NRCAM: variants seen among roughly 807,000 people sequenced by gnomAD.
NRCAM encodes NgCAM-related cell adhesion molecule.
In NRCAM, 83 loss-of-function variants were observed where a neutral mutation model predicts 156.5. The observed-to-expected ratio is 0.53, with a 90% confidence interval of 0.44 to 0.64. NRCAM has a LOEUF of 0.64. Among genes scored for constraint, NRCAM ranks in the 30% least tolerant of loss-of-function variants. NRCAM has a pLI of 0.00. For missense variants in NRCAM, 1,417 were observed against 1,597.3 expected (o/e 0.89, Z 1.92); for synonymous variants, 538 against 563.9 (o/e 0.95, Z 0.65).
At chr7:108,389,856 G>A (rs185149542) in intron 2 of NRCAM, among the ~76,000 whole-genome samples, 13 of 152,224 alleles carry the variant, frequency 8.5e-5, no homozygotes, top group East Asian at 1.9e-4. Flanking sequence ...GCTGGATTAC[G>A]TTTATTGATT....
At chr7:108,226,514 TA>T in intron 8 of NRCAM, 136 bp from the exon 9 acceptor site, 3 of 445,134 alleles carry the variant, frequency 6.7e-6, no homozygotes, top group Non-Finnish European at 1.1e-5. Context: ...GCTCTTTGGG[TA>T]AAAGCAAATA....
intron 25 of NRCAM, 164 bp from the exon 26 acceptor site, chr7:108,178,276 T>C: frequency 1.7e-6 from 1 of 604,584 alleles, no homozygotes; most frequent in Non-Finnish European, 2.9e-6. Context: ...GGCACCCATT[T>C]AGTTATTCTC....
chr7:108,221,749 C>T (rs911662626), intron 11 of NRCAM, among the ~76,000 whole-genome samples: 2 of 151,998 alleles, frequency 1.3e-5, no homozygotes, highest in East Asian at 1.9e-4. Flanking sequence ...TAGAGTACAG[C>T]GTATATTGTT....
At chr7:108,165,493 T>C (rs2053447733) in intron 30 of NRCAM, among the ~76,000 whole-genome samples, 1 of 152,212 alleles carries the variant, frequency 6.6e-6, no homozygotes, top group Admixed American at 6.5e-5. Context: ...GAAGATAATA[T>C]CTACTTGACT....
intron 26 of NRCAM, 141 bp from the exon 27 acceptor site, chr7:108,176,747 CTAAG>C (rs2060636171): frequency 3.2e-6 from 2 of 633,770 alleles, no homozygotes; most frequent in South Asian, 2.0e-5. Context: ...CCCAGCATAA[CTAAG>C]TGATAACCTT....
At chr7:108,156,158 C>T (rs2045337102) in intron 32 of NRCAM, 1 of 266,744 alleles carries the variant, frequency 3.7e-6, no homozygotes, top group African/African-American at 2.3e-5. Context: ...AGCAAAATAA[C>T]TCTAATGTAT....
At chr7:108,293,922 T>C (rs1314416019) in intron 3 of NRCAM, among the ~76,000 whole-genome samples, 1 of 152,168 alleles carries the variant, frequency 6.6e-6, no homozygotes, top group Non-Finnish European at 1.5e-5. Context: ...AATTCACCTA[T>C]TGTCTTTTAG....
At chr7:108,417,514 G>A (rs1262336836) in intron 1 of NRCAM, among the ~76,000 whole-genome samples, 1 of 152,148 alleles carries the variant, frequency 6.6e-6, no homozygotes, top group Non-Finnish European at 1.5e-5. Flanking sequence ...CTGTTACAAA[G>A]GCAATTAAAT....
At chr7:108,294,381 C>T (rs2098411035) in intron 3 of NRCAM, among the ~76,000 whole-genome samples, 1 of 151,896 alleles carries the variant, frequency 6.6e-6, no homozygotes, top group Admixed American at 6.6e-5. Flanking sequence ...CTCCAACACC[C>T]CTCTTTCTCC....
At chr7:108,333,056 G>A (rs41409846) in intron 2 of NRCAM, among the ~76,000 whole-genome samples, 7,107 of 152,230 alleles carry the variant, frequency 0.047, 203 homozygotes, top group Middle Eastern at 0.086. Context: ...GGACTGCCCA[G>A]CTCAAGTAAT....
intron 32 of NRCAM, among the ~76,000 whole-genome samples, chr7:108,157,760 C>T (rs1214378191): frequency 6.6e-6 from 1 of 152,076 alleles, no homozygotes; most frequent in African/African-American, 2.4e-5. Flanking sequence ...GCTGTAAGAG[C>T]AAGCTGATGT....
intron 3 of NRCAM, among the ~76,000 whole-genome samples, chr7:108,309,105 G>A (rs2098761534): frequency 6.6e-6 from 1 of 152,156 alleles, no homozygotes; most frequent in African/African-American, 2.4e-5. Flanking sequence ...TTCCAGGAAT[G>A]CTGCATTTCA....
intron 2 of NRCAM, among the ~76,000 whole-genome samples, chr7:108,392,326 C>A (rs1221867440): frequency 6.6e-6 from 1 of 152,200 alleles, no homozygotes; most frequent in Non-Finnish European, 1.5e-5. Flanking sequence ...TTCATTTGAT[C>A]TTCAATCACT....
At chr7:108,391,034 A>G (rs1049232875) in intron 2 of NRCAM, among the ~76,000 whole-genome samples, 8 of 152,202 alleles carry the variant, frequency 5.3e-5, no homozygotes, top group African/African-American at 1.9e-4. Flanking sequence ...TGGTGCTGAG[A>G]AGAATGTATA....
intron 2 of NRCAM, among the ~76,000 whole-genome samples, chr7:108,361,492 C>T (rs867664497): frequency 6.6e-6 from 1 of 152,292 alleles, no homozygotes. Context: ...GCTGACCCTC[C>T]CCCAAGTTAG....
chr7:108,177,539 T>C (rs1463161756), intron 26 of NRCAM, among the ~76,000 whole-genome samples: 1 of 151,768 alleles, frequency 6.6e-6, no homozygotes, highest in Non-Finnish European at 1.5e-5. Flanking sequence ...AGGAGAATGG[T>C]GTGAACTCGG....
intron 4 of NRCAM, 74 bp from the exon 5 acceptor site, chr7:108,237,843 GT>G: frequency 1.8e-6 from 2 of 1,138,586 alleles, no homozygotes; most frequent in Non-Finnish European, 2.5e-6. Context: ...TAATAAGAAC[GT>G]TAGAACTCTG....
chr7:108,443,527 C>T (rs1053233010), intron 1 of NRCAM, among the ~76,000 whole-genome samples: 9 of 152,200 alleles, frequency 5.9e-5, no homozygotes, highest in Non-Finnish European at 1.2e-4. Flanking sequence ...ATAGCTCATT[C>T]AAGGCTTTGC....
intron 3 of NRCAM, among the ~76,000 whole-genome samples, chr7:108,273,903 T>C (rs1322134741): frequency 1.3e-5 from 2 of 152,244 alleles, no homozygotes; most frequent in African/African-American, 2.4e-5. Context: ...TTAATCCATC[T>C]TCAGTTAATT....
Sources: allele counts gnomAD v4.1 joint callset (sites outside exome capture counted in the v4.1 genomes callset), GRCh38; gene constraint gnomAD v4.1.1; transcripts MANE v1.5; gene names NCBI Gene and HGNC (gene_info 2026-07-23, HGNC 2026-07-21).